Variants in CDH13 observed in about 807,000 individuals in gnomAD.
CDH13 encodes cadherin-13.
CDH13 carries 24 observed loss-of-function variants against 63.8 expected under a neutral mutation model. The ratio of observed to expected loss-of-function variants is 0.38; its 90% confidence interval spans 0.27 to 0.53. The LOEUF is 0.53. CDH13 is among the 20% of genes least tolerant of loss of function. The pLI is 0.85. For synonymous variants in CDH13, 503 were observed against 355.3 expected (o/e 1.42, Z -4.67); for missense variants, 1,049 against 903.1 (o/e 1.16, Z -2.07).
At chr16:83,097,561 A>G (rs2034268287) in intron 3 of CDH13, among the ~76,000 whole-genome samples, 2 of 152,206 alleles carry the variant, frequency 1.3e-5, no homozygotes, top group South Asian at 2.1e-4. Flanking sequence ...AGTAATCAAT[A>G]TGGATGCCTG....
intron 7 of CDH13, among the ~76,000 whole-genome samples, chr16:83,533,303 C>G (rs762770698): frequency 2.6e-5 from 4 of 152,150 alleles, no homozygotes; most frequent in African/African-American, 9.7e-5. Context: ...CAGCGTGACT[C>G]GCAACCTCAC....
chr16:83,731,626 T>C (rs1326315160), intron 10 of CDH13, among the ~76,000 whole-genome samples: 2 of 152,340 alleles, frequency 1.3e-5, no homozygotes, highest in East Asian at 3.9e-4. Context: ...TTTATTCTGT[T>C]GATAGTTTCT....
At chr16:82,780,340 G>C in intron 1 of CDH13, among the ~76,000 whole-genome samples, 1 of 152,128 alleles carries the variant, frequency 6.6e-6, no homozygotes, top group East Asian at 1.9e-4. Context: ...TCTCTCCCTT[G>C]CTCTCTGATA....
chr16:83,129,863 C>G (rs1170387073), intron 4 of CDH13, among the ~76,000 whole-genome samples: 3 of 152,154 alleles, frequency 2.0e-5, no homozygotes, highest in South Asian at 4.1e-4. Flanking sequence ...ACTAATATAT[C>G]TATATTATTT....
At chr16:83,744,612 G>A (rs1027899393) in intron 10 of CDH13, among the ~76,000 whole-genome samples, 42 of 152,284 alleles carry the variant, frequency 2.8e-4, no homozygotes, top group Middle Eastern at 6.8e-3. Flanking sequence ...CCAGGGGACC[G>A]TGTGAGTCAC....
intron 3 of CDH13, among the ~76,000 whole-genome samples, chr16:83,070,217 T>C (rs1178487256): frequency 6.6e-6 from 1 of 152,150 alleles, no homozygotes; most frequent in African/African-American, 2.4e-5. Flanking sequence ...CTTTAAAAAC[T>C]CACTCTTGGA....
intron 2 of CDH13, among the ~76,000 whole-genome samples, chr16:82,900,689 T>C (rs2041436326): frequency 6.6e-6 from 1 of 152,064 alleles, no homozygotes; most frequent in Non-Finnish European, 1.5e-5. Flanking sequence ...ACGGGAGGGA[T>C]GAAATCAAGA....
chr16:83,356,855 G>A (rs2151381130), intron 6 of CDH13, among the ~76,000 whole-genome samples: 1 of 152,218 alleles, frequency 6.6e-6, no homozygotes, highest in South Asian at 2.1e-4. Flanking sequence ...AATTATGGGT[G>A]CATTTTTTAA....
intron 5 of CDH13, among the ~76,000 whole-genome samples, chr16:83,326,174 G>A (rs911376600): frequency 2.0e-5 from 3 of 152,104 alleles, no homozygotes; most frequent in African/African-American, 7.2e-5. Flanking sequence ...CAGAACATGA[G>A]ATTTTTTTCC....
At chr16:82,797,600 T>C (rs1321209109) in intron 1 of CDH13, among the ~76,000 whole-genome samples, 1 of 152,182 alleles carries the variant, frequency 6.6e-6, no homozygotes, top group East Asian at 1.9e-4. Flanking sequence ...ACAAAGAGAC[T>C]TCCTCCACTC....
chr16:83,139,896 G>A (rs1215401614), intron 4 of CDH13, among the ~76,000 whole-genome samples: 1 of 152,034 alleles, frequency 6.6e-6, no homozygotes, highest in Non-Finnish European at 1.5e-5. Flanking sequence ...CAGCTACTCT[G>A]GAGGCTGAGG....
chr16:83,120,763 C>CT (rs750711823), intron 3 of CDH13, among the ~76,000 whole-genome samples: 16 of 60,204 alleles, frequency 2.7e-4, no homozygotes, highest in East Asian at 1.1e-3. Context: ...AATTTTCTTT[C>CT]TTTTTTTTTT....
intron 2 of CDH13, among the ~76,000 whole-genome samples, chr16:82,865,004 G>T (rs111652599): frequency 2.6e-5 from 4 of 152,298 alleles, no homozygotes; most frequent in East Asian, 1.9e-4. Flanking sequence ...CCAAAATCCA[G>T]CAGGGCAGAT....
intron 3 of CDH13, among the ~76,000 whole-genome samples, chr16:83,123,656 A>T (rs138038740): frequency 6.6e-6 from 1 of 152,150 alleles, no homozygotes; most frequent in South Asian, 2.1e-4. Flanking sequence ...GAATAGTGCT[A>T]TGATAAACAC....
chr16:82,991,902 A>G (rs1911703385), intron 2 of CDH13, among the ~76,000 whole-genome samples: 1 of 152,194 alleles, frequency 6.6e-6, no homozygotes, highest in Non-Finnish European at 1.5e-5. Flanking sequence ...AGAGTGATAT[A>G]AAGAAATTTA....
intron 7 of CDH13, among the ~76,000 whole-genome samples, chr16:83,494,133 G>T (rs765263610): frequency 6.6e-5 from 10 of 152,112 alleles, no homozygotes; most frequent in Non-Finnish European, 1.3e-4. Flanking sequence ...AATTCTCTAA[G>T]ATATTTCTTT....
intron 4 of CDH13, among the ~76,000 whole-genome samples, chr16:83,138,542 G>C (rs1477698171): frequency 6.6e-6 from 1 of 152,132 alleles, no homozygotes; most frequent in East Asian, 1.9e-4. Context: ...GTCCAGAGAG[G>C]TGAGAATAAT....
At chr16:83,551,019 AC>A (rs2150670312) in intron 7 of CDH13, among the ~76,000 whole-genome samples, 1 of 150,974 alleles carries the variant, frequency 6.6e-6, no homozygotes, top group East Asian at 2.0e-4. Flanking sequence ...GAGTAAGCCT[AC>A]CCCCATCTCT....
At chr16:83,522,302 C>A (rs533577067) in intron 7 of CDH13, among the ~76,000 whole-genome samples, 2 of 152,190 alleles carry the variant, frequency 1.3e-5, no homozygotes, top group African/African-American at 2.4e-5. Flanking sequence ...GTTTTAAAGT[C>A]ATGTATTATT....
Sources: gnomAD v4.1 joint callset for allele counts (sites outside exome capture counted in the v4.1 genomes callset) on GRCh38, gnomAD v4.1.1 for gene constraint, MANE v1.5 for transcripts, NCBI Gene and HGNC (gene_info 2026-07-23, HGNC 2026-07-21) for gene names.